Variants in CST1 observed in about 807,000 individuals in gnomAD.
CST1 encodes the protein cystatin-SN.
CST1 carries 19 observed loss-of-function variants against 10.7 expected under a neutral mutation model. That is an observed-to-expected ratio of 1.78 (90% CI 1.24 to 2.61). The LOEUF (loss-of-function observed/expected upper bound fraction) is 2.61, where lower values mean the gene tolerates loss of function less well. Among genes scored for constraint, CST1 ranks in the 30% most tolerant of loss-of-function variants. CST1 has a pLI of 0.00. For missense variants in CST1, 247 were observed against 178.1 expected (o/e 1.39, Z -2.20); for synonymous variants, 95 against 72.8 (o/e 1.31, Z -1.55).
rs534985671 is a variant in CST1, at chr20:23,750,498, C to T, written c.228+141G>A. 46 of 804,750 alleles carry T rather than the reference C, an allele frequency of 5.7e-5. No individual in the cohort carries two copies. The South Asian group carries it at 7.5e-4, about 13-fold the overall frequency. 49.9% of individuals were successfully genotyped at this position (804,750 alleles called of 1,614,324 possible). A position where few individuals can be genotyped will look rare whatever the true frequency, so the allele number is the denominator to read the frequency against. On this transcript the variant is annotated intron_variant, in intron 1 of 2. Coordinates refer to ENST00000304749, the MANE Select transcript of CST1 (RefSeq NM_001898.3). ...GAGCGTGCTTAGGCATGAAGGGCAT[C>T]AGCGGAGAGCCAGGGAAAGCTGAAT...
At position 23,747,824 on chromosome 20, in the gene CST1, C is replaced by A. The variant is rs748756211; in HGVS notation, c.418G>T (p.Glu140Ter). 4.3e-6 allele frequency: 7 copies of A among 1,613,826 alleles called. No individual in the cohort carries two copies. Among genetic ancestry groups the A allele is most frequent in the Admixed American group, 3.3e-5 (2 of 59,996 alleles). Residue 140 changes from glutamate to a stop codon, truncating the protein, a stop_gained, in exon 3 of 3, where the codon GAA becomes TAA. Transcript: ENST00000304749. LOFTEE classifies it high-confidence loss of function. ...RRSLVKSRCQ[E>*]S ...TGGCCTGGCACAGATCCCTAGGATT[C>A]TTGACACCTGGATTTCACCAGGGAC...
intron 1 of CST1, among the ~76,000 whole-genome samples, chr20:23,750,431 G>A (rs1467992724): frequency 1.3e-5 from 2 of 152,254 alleles, no homozygotes; most frequent in African/African-American, 2.4e-5. Context: ...AGACACAGTG[G>A]CTGCTGCAGG....
chr20:23,748,994 G>A (rs752593595), intron 2 of CST1, 22 bp downstream of exon 2: 29 of 1,613,872 alleles, frequency 1.8e-5, no homozygotes, highest in South Asian at 4.4e-5. Context: ...TGACTGGCCC[G>A]GGACCTGCAT....
intron 1 of CST1, among the ~76,000 whole-genome samples, chr20:23,750,282 G>T (rs1245558289): frequency 6.6e-6 from 1 of 152,188 alleles, no homozygotes; most frequent in Admixed American, 6.5e-5. Context: ...GTTCCTGTGT[G>T]GCCCCTGCAG....
chr20:23,750,781 A>T lies in CST1; in HGVS notation c.86T>A (p.Ile29Lys). 1 of 1,614,146 alleles carries T rather than the reference A, an allele frequency of 6.2e-7. No individual in the cohort carries two copies. The highest frequency in any genetic ancestry group is 8.5e-7 in the Non-Finnish European group (1 of 1,180,022). ...TGCGTTATAGATGCCACCCGGGATT[A>T]TCCTATCCTCCTCCTTGGGGCTCCA... Reference protein sequence around the residue: ...LAWSPKEEDRIIPGGIYNADL... With the variant: ...LAWSPKEEDRKIPGGIYNADL... Residue 29 changes from isoleucine (I) to lysine (K), a missense_variant, in exon 1 of 3, where the codon ATA becomes AAA. Physicochemically the swap from Ile to Lys is moderately radical, Grantham distance 102. Coordinates refer to ENST00000304749, the MANE Select transcript of CST1 (RefSeq NM_001898.3).
In CST1 at chr20:23,747,732, G is replaced by T. The variant is rs1439188196; in HGVS notation, c.*84C>A. On this transcript the variant is annotated 3_prime_UTR_variant, in exon 3 of 3. Transcript: ENST00000304749. ...AGGCACATGGGGAGGCCTCCCGCAG[G>T]GTGGGGGCCACCAGTCCAGGGGTGG... 106 of 1,377,762 alleles carry T rather than the reference G, an allele frequency of 7.7e-5. No individual in the cohort carries two copies. Among genetic ancestry groups the T allele is most frequent in the Non-Finnish European group, 1.1e-4 (104 of 983,614 alleles). The allele number at this position is 1,377,762 out of a possible 1,614,324, so 85.3% of individuals were successfully genotyped here.
In CST1 at chr20:23,750,731, G is replaced by A. The variant is rs569786302; in HGVS notation, c.136C>T (p.Arg46Cys). Residue 46 changes from arginine (R) to cysteine (C), a missense_variant, in exon 1 of 3, where the codon CGT (arginine) becomes TGT (cysteine). Transcript: ENST00000304749. ...NADLNDEWVQ[R>C]ALHFAISEYN... ...TCGCTGATGGCGAAGTGAAGGGCAC[G>A]CTGTACCCACTCATCATTGAGGTCT... 1.4e-5 allele frequency: 23 copies of A among 1,614,014 alleles called. No individual in the cohort carries two copies. Among genetic ancestry groups the A allele is most frequent in the African/African-American group, 2.7e-5 (2 of 74,898 alleles).
chr20:23,749,508 C>G (rs1241284630), intron 1 of CST1, among the ~76,000 whole-genome samples: 5 of 152,218 alleles, frequency 3.3e-5, no homozygotes, highest in Non-Finnish European at 5.9e-5. Flanking sequence ...TTCACACACA[C>G]AGATATTTTG....
chr20:23,749,785 C>G (rs137869967), intron 1 of CST1, among the ~76,000 whole-genome samples: 14 of 151,064 alleles, frequency 9.3e-5, no homozygotes, highest in Admixed American at 3.3e-4. Context: ...GTCTGCAATG[C>G]CCTGTGCTTC....
intron 2 of CST1, among the ~76,000 whole-genome samples, chr20:23,748,111 A>T (rs184509151): frequency 5.9e-5 from 9 of 151,864 alleles, no homozygotes; most frequent in African/African-American, 2.2e-4. Context: ...TGGCATTGGG[A>T]CCCCACCCCA....
Position 23,747,902 on chromosome 20 carries a change from G to A in CST1, c.343-3C>T. On this transcript the variant is annotated splice_polypyrimidine_tract_variant and splice_region_variant and intron_variant, in intron 2 of 2. Coordinates refer to ENST00000304749, the MANE Select transcript of CST1 (RefSeq NM_001898.3). ...ATCTCGAAAGAGCACAACTGTTTCTGTGAAAGGGAAGAGAGAGGGCCAATC... is the reference window on the plus strand; with the variant it reads ...ATCTCGAAAGAGCACAACTGTTTCTATGAAAGGGAAGAGAGAGGGCCAATC... 6.2e-7 allele frequency: 1 copy of A among 1,613,250 alleles called. No individual in the cohort carries two copies. Among genetic ancestry groups the A allele is most frequent in the Non-Finnish European group, 8.5e-7 (1 of 1,179,266 alleles).
At position 23,750,775 on chromosome 20, in the gene CST1, G is replaced by T. The variant is rs2070856; in HGVS notation, c.92C>A (p.Pro31Gln). The T allele has an allele frequency of 2.5e-6, 4 of 1,613,884 alleles. No homozygotes were observed. In the African/African-American group the frequency reaches 4.0e-5, roughly 16 times the overall value. The change falls in exon 1 of 3, where the codon CCG becomes CAG. Residue 31 changes from proline to glutamine, a missense_variant. Coordinates refer to ENST00000304749, the MANE Select transcript of CST1 (RefSeq NM_001898.3). ...WSPKEEDRII[P>Q]GGIYNADLND... ...GAGGTCTGCGTTATAGATGCCACCC[G>T]GGATTATCCTATCCTCCTCCTTGGG...
chr20:23,747,962 G>T, intron 2 of CST1, 63 bp from the exon 3 acceptor site: 3 of 1,504,270 alleles, frequency 2.0e-6, no homozygotes, highest in Admixed American at 1.7e-5. Context: ...AGATGCCCAG[G>T]CATGAGATGT....
At position 23,747,826 on chromosome 20, in the gene CST1, T is replaced by G; in HGVS notation, c.416A>C (p.Gln139Pro). 2 of 1,613,940 alleles carry G rather than the reference T, an allele frequency of 1.2e-6. No individual in the cohort carries two copies. Among genetic ancestry groups the G allele is most frequent in the Middle Eastern group, 1.7e-4 (1 of 6,060 alleles). The change falls in exon 3 of 3, where the codon CAA becomes CCA. Residue 139 changes from glutamine (Q) to proline (P), a missense_variant. Coordinates refer to ENST00000304749, the MANE Select transcript of CST1 (RefSeq NM_001898.3). ...NRRSLVKSRC[Q>P]ES Reference sequence around the variant, plus strand: ...GCCTGGCACAGATCCCTAGGATTCTTGACACCTGGATTTCACCAGGGACCT... The same window carrying G: ...GCCTGGCACAGATCCCTAGGATTCTGGACACCTGGATTTCACCAGGGACCT...
chr20:23,749,856 G>A (rs1407284470), intron 1 of CST1, among the ~76,000 whole-genome samples: 1 of 149,726 alleles, frequency 6.7e-6, no homozygotes, highest in Non-Finnish European at 1.5e-5. Context: ...ACGGCACCAG[G>A]GAGTGTATCT....
chr20:23,749,196 C>G, intron 1 of CST1, 67 bp from the exon 2 acceptor site: 1 of 1,400,500 alleles, frequency 7.1e-7, no homozygotes, highest in Non-Finnish European at 1.0e-6. Context: ...TTCACTGTGG[C>G]TGAGTCACTG....
Position 23,747,706 on chromosome 20 carries a change from C to G in CST1, c.*110G>C. On this transcript the variant is annotated 3_prime_UTR_variant, in exon 3 of 3. Transcript: ENST00000304749. ...AGCCTTCTCTGTCTGTCTCTTGGCG[C>G]AGGCACATGGGGAGGCCTCCCGCAG... 1 of 974,588 alleles carries G rather than the reference C, an allele frequency of 1.0e-6. No homozygotes were observed. The highest frequency in any genetic ancestry group is 1.6e-6 in the Non-Finnish European group (1 of 636,658). The allele number at this position is 974,588 out of a possible 1,614,324, so 60.4% of individuals were successfully genotyped here. A position where few individuals can be genotyped will look rare whatever the true frequency, so the allele number is the denominator to read the frequency against.
chr20:23,747,873 G>T lies in CST1; in HGVS notation c.369C>A (p.Tyr123Ter), dbSNP rs567548325. 3.7e-6 allele frequency: 6 copies of T among 1,613,828 alleles called. No homozygotes were observed. Among genetic ancestry groups the T allele is most frequent in the Non-Finnish European group, 5.1e-6 (6 of 1,179,852 alleles). ...ACCTTCTGTTCTCCCAGGGAACTTC[G>T]TAGATCTCGAAAGAGCACAACTGTT... Reference protein sequence around the residue: ...QKKQLCSFEIYEVPWENRRSL... With the variant: ...QKKQLCSFEI The change falls in exon 3 of 3, where the codon TAC becomes TAA. Residue 123 changes from tyrosine (Y) to a stop codon, truncating the protein, a stop_gained. Coordinates refer to ENST00000304749, the MANE Select transcript of CST1 (RefSeq NM_001898.3). LOFTEE classifies it low-confidence loss of function (END_TRUNC).
intron 2 of CST1, 104 bp downstream of exon 2, chr20:23,748,912 C>T (rs1349116860): frequency 1.2e-6 from 1 of 830,790 alleles, no homozygotes; most frequent in Non-Finnish European, 1.8e-6. Context: ...CCCCACATAC[C>T]CACCTGCACA....
Sources: allele counts gnomAD v4.1 joint callset (sites outside exome capture counted in the v4.1 genomes callset), GRCh38; gene constraint gnomAD v4.1.1; transcripts MANE v1.5; gene names NCBI Gene and HGNC (gene_info 2026-07-23, HGNC 2026-07-21).